The following TBCD variants were observed in gnomAD, a reference collection of about 807,000 sequenced individuals.
The protein encoded by TBCD is tubulin-specific chaperone D.
A neutral mutation model predicts 169.3 loss-of-function variants in TBCD; 105 were observed. The ratio of observed to expected loss-of-function variants is 0.62; its 90% CI spans 0.53 to 0.73. The LOEUF is 0.73. Among genes scored for constraint, TBCD ranks in the 30% least tolerant of loss-of-function variants. The pLI is 0.00. For synonymous variants in TBCD, 700 were observed against 643.9 expected, an observed-to-expected ratio of 1.09 and a Z score of -1.32; for missense variants, 1,444 against 1,600.1, an observed-to-expected ratio of 0.90 and a Z score of 1.66.
Position 82,930,802 on chromosome 17 carries a change from C to T in TBCD, c.3113+159C>T, listed in dbSNP as rs1158218948. ...TGGTGGCTCAGCGAGGAAGATGTGC[C>T]TGCAGCATATGGTTCTCCGGGCGGC... On this transcript the variant is annotated intron_variant, in intron 33 of 38. Transcript: ENST00000355528. This position sits in a 1 kb window ranked among gnomAD's most constrained non-coding sequence, Gnocchi z 5.2. 6.6e-6 allele frequency among the ~76,000 whole-genome samples: 1 copy of T among 152,222 alleles called. No individual in the cohort carries two copies. The highest frequency in any genetic ancestry group is 2.4e-5 in the African/African-American group (1 of 41,460).
Position 82,919,941 on chromosome 17 carries a change from T to G in TBCD, c.2039-615T>G, listed in dbSNP as rs3744154. Among the ~76,000 whole-genome samples the G allele has an allele frequency of 1.1e-4, 16 of 152,250 alleles. No homozygotes were observed. In the East Asian group the frequency reaches 3.1e-3, roughly 29 times the overall value. On this transcript the variant is annotated intron_variant, in intron 23 of 38. Transcript: ENST00000355528. ...AGAAATAGCAAATACCATGAACAAG[T>G]GTGCAGCAGGCGTCTGCGAGTGGGT... is the stretch of plus-strand genomic sequence containing the variant.
chr17:82,891,424 G>A (rs1431621481), intron 16 of TBCD, among the ~76,000 whole-genome samples: 1 of 152,260 alleles, frequency 6.6e-6, no homozygotes, highest in Non-Finnish European at 1.5e-5. Flanking sequence ...GGCAGCGGGA[G>A]CCTCGTGGAA....
chr17:82,760,099 C>G (rs2047676442), intron 2 of TBCD, among the ~76,000 whole-genome samples: 1 of 151,662 alleles, frequency 6.6e-6, no homozygotes, highest in Non-Finnish European at 1.5e-5. Flanking sequence ...GTCTCGAACT[C>G]CTGACCTCAA....
chr17:82,811,206 A>G (rs2051414819), intron 12 of TBCD, among the ~76,000 whole-genome samples: 1 of 152,076 alleles, frequency 6.6e-6, no homozygotes. Flanking sequence ...CGGCCTTCAC[A>G]ACAGTGTGGT....
chr17:82,939,055 TAGAG>T (rs1455258487), intron 36 of TBCD: 12 of 413,018 alleles, frequency 2.9e-5, no homozygotes, highest in Admixed American at 1.7e-4. Context: ...GGTTAGTTAA[TAGAG>T]AGCAGGCGAG....
chr17:82,893,208 T>G (rs548369472), intron 16 of TBCD: 55 of 306,762 alleles, frequency 1.8e-4, no homozygotes, highest in African/African-American at 1.1e-3. Context: ...TCAGTGGCTG[T>G]AACACTGTTG....
intron 36 of TBCD, 136 bp downstream of exon 36, chr17:82,938,272 C>A: frequency 1.0e-6 from 1 of 992,628 alleles, no homozygotes; most frequent in Non-Finnish European, 1.5e-6. Flanking sequence ...TGGGTGACGA[C>A]GCGTCACAGG....
At chr17:82,761,490 C>T (rs1250177046) in intron 2 of TBCD, among the ~76,000 whole-genome samples, 1 of 152,150 alleles carries the variant, frequency 6.6e-6, no homozygotes, top group Non-Finnish European at 1.5e-5. Context: ...TTTCTGTCAT[C>T]CCAAGGAGTT....
In TBCD at chr17:82,930,629, C is replaced by T; in HGVS notation, c.3099C>T (p.Asn1033=). 1 of 1,613,994 alleles carries T rather than the reference C, an allele frequency of 6.2e-7. No individual in the cohort carries two copies. The highest frequency in any genetic ancestry group is 1.3e-5 in the African/African-American group (1 of 75,034). Residue 1033 remains asparagine (N), a synonymous_variant, in exon 33 of 39, where the codon AAC becomes AAT. Transcript: ENST00000355528. This position sits in a 1 kb window ranked among gnomAD's most constrained non-coding sequence, Gnocchi z 5.2. ...SGTLLQIFED[N]LLNERVSVPL... is the part of the protein sequence containing the mutation. ...CCCTTCTGCAGATCTTTGAGGACAACCTTCTGAATGAGAGGTGAGTGGTGT... is the reference window on the plus strand; with the variant it reads ...CCCTTCTGCAGATCTTTGAGGACAATCTTCTGAATGAGAGGTGAGTGGTGT...
intron 7 of TBCD, among the ~76,000 whole-genome samples, chr17:82,793,179 A>G (rs2049868987): frequency 6.6e-6 from 1 of 152,188 alleles, no homozygotes; most frequent in Non-Finnish European, 1.5e-5. Context: ...CTAATCAGTC[A>G]TTTACCAATC....
intron 6 of TBCD, 146 bp from the exon 7 acceptor site, chr17:82,781,443 A>T: frequency 2.9e-6 from 3 of 1,040,656 alleles, no homozygotes; most frequent in Non-Finnish European, 4.1e-6. Context: ...CTGGAGGAGG[A>T]CAGGACTCAG....
rs150827150 is a variant in TBCD, at chr17:82,813,270, C to CCT, written c.1224-1553_1224-1552dup. Among the ~76,000 whole-genome samples the CCT allele has an allele frequency of 1.9e-3, 281 of 150,246 alleles. 1 individual carries two copies. The highest frequency in any genetic ancestry group is 0.017 in the Middle Eastern group (5 of 290). ...TACCTGCGACACTCTTTACCCGCCT[C>CCT]CTCTCTCTCTCTCTCTCTTCCTCTC... On this transcript the variant is annotated intron_variant, in intron 12 of 38. Coordinates refer to ENST00000355528, the MANE Select transcript of TBCD (RefSeq NM_005993.5).
intron 9 of TBCD, among the ~76,000 whole-genome samples, chr17:82,802,684 G>A (rs989577580): frequency 2.0e-5 from 3 of 152,224 alleles, no homozygotes; most frequent in Admixed American, 6.5e-5. Context: ...AGGGAGGGCC[G>A]GCGTTTTGTT....
At chr17:82,897,623 C>T (rs1361968431) in intron 17 of TBCD, among the ~76,000 whole-genome samples, 1 of 152,046 alleles carries the variant, frequency 6.6e-6, no homozygotes, top group Non-Finnish European at 1.5e-5. Flanking sequence ...AGTGTGGCAG[C>T]GGGTTTGGCA....
At position 82,924,954 on chromosome 17, in the gene TBCD, A is replaced by G. The variant is rs749289741; in HGVS notation, c.2276A>G (p.Gln759Arg). The G allele has an allele frequency of 5.1e-6, 8 of 1,566,656 alleles. No individual in the cohort carries two copies. The highest frequency in any genetic ancestry group is 1.9e-5 in the Admixed American group (1 of 53,510). Residue 759 changes from glutamine to arginine, a missense_variant, in exon 27 of 39, where the codon CAG becomes CGG. Transcript: ENST00000355528. ...TTCCTTTCAGAGGAGCTGATCACGC[A>G]GTACCTGGCTGAGCTTCGGAACCCC... Reference protein sequence around the residue: ...DPAIQEELITQYLAELRNPEE... With the variant: ...DPAIQEELITRYLAELRNPEE...
chr17:82,871,308 T>G (rs1393476227), intron 14 of TBCD, among the ~76,000 whole-genome samples: 1 of 152,242 alleles, frequency 6.6e-6, no homozygotes, highest in Non-Finnish European at 1.5e-5. Flanking sequence ...GCTTTTGGAC[T>G]GAAATGAGTT....
At chr17:82,892,510 A>G (rs1289538875) in intron 16 of TBCD, among the ~76,000 whole-genome samples, 7 of 152,140 alleles carry the variant, frequency 4.6e-5, no homozygotes, top group Non-Finnish European at 8.8e-5. Flanking sequence ...GCCGCATGGT[A>G]CCTGCTCATT....
rs1406758657 is a variant in TBCD, at chr17:82,832,985, C to T, written c.1318+18051C>T. On this transcript the variant is annotated intron_variant, in intron 13 of 38. Coordinates refer to ENST00000355528, the MANE Select transcript of TBCD (RefSeq NM_005993.5). The surrounding 1 kb of genome is among the most constrained non-coding windows in gnomAD (Gnocchi z 4.9). ...TCATCCTGTGACCTGGACCTTTCCT[C>T]GAAAGCGCCCTGCCGGGGGCTGAGG... Among the ~76,000 whole-genome samples the T allele has an allele frequency of 6.6e-6, 1 of 152,146 alleles. No homozygotes were observed. Among genetic ancestry groups the T allele is most frequent in the Non-Finnish European group, 1.5e-5 (1 of 68,028 alleles).
rs117693693 is a variant in TBCD at position 82,869,215 on chromosome 17, A to T, written c.1319-1009A>T. Among the ~76,000 whole-genome samples, 135 of 152,338 alleles carry T rather than the reference A, an allele frequency of 8.9e-4. 2 individuals are homozygous for T. In the East Asian group the frequency reaches 0.025, roughly 28 times the overall value. On this transcript the variant is annotated intron_variant, in intron 13 of 38. Transcript: ENST00000355528. ...GTATTTATTCCAAAGCACTTGAAAT[A>T]CATGAACCTAATAAATCGAACAAAT...
Sources: gnomAD v4.1 joint callset for allele counts (sites outside exome capture counted in the v4.1 genomes callset) on GRCh38, gnomAD v4.1.1 for gene constraint, Gnocchi (gnomAD v3.1) non-coding constraint, MANE v1.5 for transcripts, NCBI Gene and HGNC (gene_info 2026-07-23, HGNC 2026-07-21) for gene names.